RNF19A: variants seen among roughly 807,000 people sequenced by gnomAD.
RNF19A encodes the protein ring finger protein 19A, RBR E3 ubiquitin protein ligase.
Under a neutral mutation model 75.7 loss-of-function variants are expected in RNF19A, and 32 were observed. The observed-to-expected ratio is 0.42, with a 90% CI of 0.32 to 0.57. RNF19A has a LOEUF of 0.57. Ranked by LOEUF, RNF19A falls within the 20% of genes least tolerant of loss-of-function variation. RNF19A has a pLI of 0.10. For missense variants in RNF19A, 782 were observed against 1,036.3 expected, an observed-to-expected ratio of 0.75 and a Z score of 3.37; for synonymous variants, 335 against 345.2, an observed-to-expected ratio of 0.97 and a Z score of 0.33.
At chr8:100,294,261 T>C (rs918227348) in intron 1 of RNF19A, among the ~76,000 whole-genome samples, 5 of 152,186 alleles carry the variant, frequency 3.3e-5, no homozygotes, top group Non-Finnish European at 5.9e-5. Flanking sequence ...CACTGGCTAG[T>C]CAACTTGAAC....
At position 100,288,219 on chromosome 8, in the gene RNF19A, G is replaced by A. The variant is rs1465799969; in HGVS notation, c.-45C>T. 1 of 1,501,166 alleles carries A rather than the reference G, an allele frequency of 6.7e-7. No homozygotes were observed. Among genetic ancestry groups the A allele is most frequent in the Non-Finnish European group, 8.9e-7 (1 of 1,128,874 alleles). The allele number at this position is 1,501,166 out of a possible 1,614,324, so 93.0% of individuals were successfully genotyped here. A position where few individuals can be genotyped will look rare whatever the true frequency, so the allele number is the denominator to read the frequency against. On this transcript the variant is annotated 5_prime_UTR_variant, in exon 2 of 10. Coordinates refer to ENST00000341084, the MANE Select transcript of RNF19A (RefSeq NM_183419.4). Reference sequence around the variant, plus strand: ...AAGAATATCCTACTTGGTTCCTTCAGAGAATTCTTGAAAAGTTCGATTTAC... The same window carrying A: ...AAGAATATCCTACTTGGTTCCTTCAAAGAATTCTTGAAAAGTTCGATTTAC...
intron 2 of RNF19A, among the ~76,000 whole-genome samples, chr8:100,282,145 G>A (rs1316171815): frequency 3.3e-5 from 5 of 152,116 alleles, no homozygotes; most frequent in African/African-American, 1.2e-4. Context: ...ACATTCTTTA[G>A]TCAACTAATT....
In RNF19A at chr8:100,288,069, G is replaced by A. The variant is rs766821126; in HGVS notation, c.106C>T (p.Arg36Trp). ...LTSILDMSLH[R>W]QMGSDRDLQS... ...AGATCTCGATCTGAACCCATTTGCCGATGTAAACTCATGTCTAAAATGCTT... is the reference window on the plus strand; with the variant it reads ...AGATCTCGATCTGAACCCATTTGCCAATGTAAACTCATGTCTAAAATGCTT... The change falls in exon 2 of 10, where the codon CGG becomes TGG. Residue 36 changes from arginine (R) to tryptophan (W), a missense_variant. By Grantham distance (101) the Arg-to-Trp change is moderately radical. Transcript: ENST00000341084. 66 of 1,613,994 alleles carry A rather than the reference G, an allele frequency of 4.1e-5. No individual in the cohort carries two copies. The highest frequency in any genetic ancestry group is 1.6e-4 in the Middle Eastern group (1 of 6,084).
intron 1 of RNF19A, among the ~76,000 whole-genome samples, chr8:100,327,233 C>T (rs1822545720): frequency 7.0e-6 from 1 of 142,602 alleles, no homozygotes. Flanking sequence ...TTATAAAATT[C>T]AGCAATTACT....
intron 1 of RNF19A, among the ~76,000 whole-genome samples, chr8:100,319,033 G>C (rs1213153473): frequency 6.6e-6 from 1 of 152,196 alleles, no homozygotes; most frequent in Non-Finnish European, 1.5e-5. Flanking sequence ...GTGGTTTGCA[G>C]CTAATGTAAA....
intron 2 of RNF19A, among the ~76,000 whole-genome samples, chr8:100,280,245 G>A (rs1563846671): frequency 6.6e-6 from 1 of 152,138 alleles, no homozygotes; most frequent in Non-Finnish European, 1.5e-5. Context: ...TACTATGACG[G>A]AGATACCTGA....
intron 2 of RNF19A, among the ~76,000 whole-genome samples, chr8:100,285,003 T>TC (rs2129890612): frequency 6.6e-6 from 1 of 152,270 alleles, no homozygotes; most frequent in Non-Finnish European, 1.5e-5. Flanking sequence ...GAAGTTCACA[T>TC]CCCCTCTTCC....
upstream of RNF19A, among the ~76,000 whole-genome samples, chr8:100,313,570 C>A (rs551401875): frequency 1.1e-4 from 16 of 152,222 alleles, no homozygotes; most frequent in Admixed American, 2.6e-4. Flanking sequence ...GATTTAATAC[C>A]TTTTTAGGTA....
chr8:100,313,245 GA>G (rs1333447057), upstream of RNF19A: 2 of 803,240 alleles, frequency 2.5e-6, no homozygotes, highest in Non-Finnish European at 3.0e-6. Context: ...TACATTGGGG[GA>G]TGAGGAATAA....
chr8:100,268,627 AT>A (rs1820099643), intron 5 of RNF19A, 157 bp downstream of exon 5: 1 of 431,348 alleles, frequency 2.3e-6, no homozygotes, highest in Non-Finnish European at 4.0e-6. Flanking sequence ...AACACTAAAA[AT>A]TTATGAAAAA....
At chr8:100,280,975 T>G (rs1047139699) in intron 2 of RNF19A, among the ~76,000 whole-genome samples, 1 of 152,206 alleles carries the variant, frequency 6.6e-6, no homozygotes, top group African/African-American at 2.4e-5. Context: ...TCTGGTATAA[T>G]AAGTGTTATT....
chr8:100,295,855 A>G (rs957268997), intron 1 of RNF19A, among the ~76,000 whole-genome samples: 40 of 152,220 alleles, frequency 2.6e-4, no homozygotes, highest in African/African-American at 9.2e-4. Flanking sequence ...ATCATATATC[A>G]CTTTCTCTTA....
At chr8:100,309,965 C>T (rs1009864784), upstream of RNF19A, 5 of 985,896 alleles carry the variant, frequency 5.1e-6, no homozygotes, top group Non-Finnish European at 6.0e-6. Context: ...GGGGAGGGTC[C>T]CTCCGATGCG....
At position 100,258,817 on chromosome 8, in the gene RNF19A, G is replaced by A. The variant is rs764352892; in HGVS notation, c.2256C>T (p.Thr752=). The change falls in exon 10 of 10, where the codon ACC becomes ACT. Residue 752 remains threonine, a synonymous_variant. Transcript: ENST00000341084. The surrounding 1 kb of genome is among the most constrained non-coding windows in gnomAD (Gnocchi z 4.3). ...GAAGAATGTTAACAGTAGCAAAGCG[G>A]GTGTGATAATCACTGGAACCATGAC... ...SCSHGSSDYH[T]RFATVNILPE... The A allele has an allele frequency of 1.6e-5, 26 of 1,614,014 alleles. No homozygotes were observed. Among genetic ancestry groups the A allele is most frequent in the African/African-American group, 2.7e-5 (2 of 74,902 alleles).
At chr8:100,299,447 T>C (rs1400854384) in intron 1 of RNF19A, among the ~76,000 whole-genome samples, 3 of 152,256 alleles carry the variant, frequency 2.0e-5, no homozygotes, top group Non-Finnish European at 2.9e-5. Context: ...GTGATTCTAC[T>C]ATTTGGACAA....
In RNF19A at chr8:100,260,969, C is replaced by T. The variant is rs1476847048; in HGVS notation, c.1682+573G>A. Among the ~76,000 whole-genome samples the T allele has an allele frequency of 1.3e-5, 2 of 152,318 alleles. No individual in the cohort carries two copies. The highest frequency in any genetic ancestry group is 4.1e-4 in the South Asian group (2 of 4,824). On this transcript the variant is annotated intron_variant, in intron 8 of 9. Transcript: ENST00000341084. This position sits in a 1 kb window ranked among gnomAD's most constrained non-coding sequence, Gnocchi z 4.1. ...GTTACCCACAGAGGTAAGATCTAGG[C>T]TTAAGTACTGCCTTTGCTTCAATGT...
At chr8:100,311,439 C>T (rs960397885), upstream of RNF19A, among the ~76,000 whole-genome samples, 3 of 152,060 alleles carry the variant, frequency 2.0e-5, no homozygotes, top group Non-Finnish European at 4.4e-5. Context: ...AATATGTTGG[C>T]CGGAATTGGT....
rs1704401745 is a variant in RNF19A at position 100,333,636 on chromosome 8, G to A, written c.-243+2472C>T. Among the ~76,000 whole-genome samples, 1 of 152,206 alleles carries A rather than the reference G, an allele frequency of 6.6e-6. No individual in the cohort carries two copies. Among genetic ancestry groups the A allele is most frequent in the Admixed American group, 6.5e-5 (1 of 15,276 alleles). ...TTCTGTGTGTTGCCTGGGCAACATA[G>A]CAAGAGCCCATCTCTAAAAATTTTT... On this transcript the variant is annotated intron_variant, in intron 1 of 3. Transcript: ENST00000519527. The surrounding 1 kb of genome is among the most constrained non-coding windows in gnomAD (Gnocchi z 4.7).
intron 1 of RNF19A, among the ~76,000 whole-genome samples, chr8:100,292,460 G>GTA (rs1220467109): frequency 6.6e-6 from 1 of 151,922 alleles, no homozygotes; most frequent in South Asian, 2.1e-4. Context: ...GTGTGTGTGT[G>GTA]TGTGTGTGTA....
Sources: gnomAD v4.1 joint callset for allele counts (sites outside exome capture counted in the v4.1 genomes callset) on GRCh38, gnomAD v4.1.1 for gene constraint, Gnocchi (gnomAD v3.1) non-coding constraint, MANE v1.5 for transcripts, NCBI Gene and HGNC (gene_info 2026-07-23, HGNC 2026-07-21) for gene names.